The following BMPR1A variants were observed in gnomAD, a reference collection of about 807,000 sequenced individuals.
BMPR1A encodes the protein bone morphogenetic protein receptor type 1A, also known as bone morphogenetic protein receptor type-1A.
A neutral mutation model predicts 66.0 loss-of-function variants in BMPR1A; 7 were observed. The ratio of observed to expected loss-of-function variants is 0.11; its 90% CI spans 0.06 to 0.20. BMPR1A has a LOEUF of 0.20. Among genes scored for constraint, BMPR1A ranks in the 10% least tolerant of loss-of-function variants. BMPR1A has a pLI of 1.00. For synonymous variants in BMPR1A, 200 were observed against 229.7 expected, an observed-to-expected ratio of 0.87 and a Z score of 1.17; for missense variants, 408 against 669.1, an observed-to-expected ratio of 0.61 and a Z score of 4.31.
At chr10:86,758,167 A>G (rs1275643150) in intron 1 of BMPR1A, among the ~76,000 whole-genome samples, 1 of 152,202 alleles carries the variant, frequency 6.6e-6, no homozygotes. Context: ...GGCCGATTGA[A>G]ATGTAGAATG....
intron 1 of BMPR1A, among the ~76,000 whole-genome samples, chr10:86,764,470 A>G (rs934553774): frequency 1.4e-4 from 22 of 152,306 alleles, no homozygotes; most frequent in African/African-American, 4.3e-4. Context: ...AATGTGGGGG[A>G]AAAATTGCAT....
chr10:86,776,468 G>C lies in BMPR1A; in HGVS notation c.-268+19549G>C, dbSNP rs189358094. On this transcript the variant is annotated intron_variant, in intron 1 of 12. Transcript: ENST00000372037. ...AGGTTATGAACCTCTTGAATTTTGT[G>C]AGGCCATGGGCTTCTGAATAAGAAC... is the stretch of plus-strand genomic sequence containing the variant. Among the ~76,000 whole-genome samples, 294 of 152,292 alleles carry C rather than the reference G, an allele frequency of 1.9e-3. 2 individuals carry two copies. The highest frequency in any genetic ancestry group is 6.9e-3 in the African/African-American group (285 of 41,574).
rs74153413 is a variant in BMPR1A, at chr10:86,828,326, A to G, written c.-267-10539A>G. ...TTGCTGTTTTCCAGGGATGACATAA[A>G]GGAGAAGTGGGTAGAGGGTGATGCT... is the stretch of plus-strand genomic sequence containing the variant. On this transcript the variant is annotated intron_variant, in intron 1 of 12. Coordinates refer to ENST00000372037, the MANE Select transcript of BMPR1A (RefSeq NM_004329.3). Among the ~76,000 whole-genome samples, 517 of 152,348 alleles carry G rather than the reference A, an allele frequency of 3.4e-3. 4 individuals carry two copies. Among genetic ancestry groups the G allele is most frequent in the African/African-American group, 0.012 (495 of 41,594 alleles).
chr10:86,920,147 C>T (rs1325018309), intron 10 of BMPR1A, among the ~76,000 whole-genome samples: 4 of 152,088 alleles, frequency 2.6e-5, no homozygotes, highest in Non-Finnish European at 4.4e-5. Flanking sequence ...TTTTAATGAA[C>T]ATTGTTGTAT....
intron 3 of BMPR1A, among the ~76,000 whole-genome samples, chr10:86,881,334 A>G (rs574657408): frequency 1.3e-5 from 2 of 152,350 alleles, no homozygotes; most frequent in East Asian, 3.9e-4. Context: ...GAAATCAAAC[A>G]TTAATCTTGC....
At chr10:86,907,616 CAGTGGA>C (rs1283032706) in intron 7 of BMPR1A, among the ~76,000 whole-genome samples, 2 of 152,174 alleles carry the variant, frequency 1.3e-5, no homozygotes, top group Non-Finnish European at 2.9e-5. Context: ...GTGGTCCATA[CAGTGGA>C]ATATTACTCA....
chr10:86,831,292 A>G lies in BMPR1A; in HGVS notation c.-267-7573A>G, dbSNP rs149296614. On this transcript the variant is annotated intron_variant, in intron 1 of 12. Transcript: ENST00000372037. ...TTCTTTTTTAAATAATGGAGGATTA[A>G]CTTATTTTATAGTTTTTTTCTTCGA... 4.5e-3 allele frequency among the ~76,000 whole-genome samples: 687 copies of G among 152,228 alleles called. 4 individuals are homozygous for G. The highest frequency in any genetic ancestry group is 0.016 in the African/African-American group (651 of 41,516).
At chr10:86,798,043 T>G (rs1327930740) in intron 1 of BMPR1A, among the ~76,000 whole-genome samples, 1 of 152,218 alleles carries the variant, frequency 6.6e-6, no homozygotes, top group Non-Finnish European at 1.5e-5. Flanking sequence ...TTTATTATTT[T>G]GATATATTAA....
chr10:86,782,150 A>G (rs1309539640), intron 1 of BMPR1A, among the ~76,000 whole-genome samples: 2 of 152,144 alleles, frequency 1.3e-5, no homozygotes, highest in African/African-American at 2.4e-5. Context: ...GGTGTGAGCC[A>G]TCATGCCAGG....
intron 1 of BMPR1A, among the ~76,000 whole-genome samples, chr10:86,830,262 C>T (rs12218584): frequency 0.011 from 1,736 of 152,224 alleles, 32 homozygotes; most frequent in South Asian, 0.079. Context: ...GACACCTTGA[C>T]GGGAGGTTTG....
chr10:86,802,547 T>G (rs1272590788), intron 1 of BMPR1A, among the ~76,000 whole-genome samples: 1 of 152,172 alleles, frequency 6.6e-6, no homozygotes, highest in African/African-American at 2.4e-5. Flanking sequence ...TTTTTTCCCC[T>G]TTAGAACATT....
In BMPR1A at chr10:86,780,448, T is replaced by A. The variant is rs576106748; in HGVS notation, c.-268+23529T>A. On this transcript the variant is annotated intron_variant, in intron 1 of 12. Transcript: ENST00000372037. ...GGTTTTTATCATTTCAAATCTTTTT[T>A]TTTTGAGACGGAGTCTTGCTCTGTC... 3.7e-4 allele frequency among the ~76,000 whole-genome samples: 56 copies of A among 152,322 alleles called. No homozygotes were observed. In the East Asian group the frequency reaches 4.4e-3, roughly 12 times the overall value.
At chr10:86,881,138 G>T (rs1842980083) in intron 3 of BMPR1A, among the ~76,000 whole-genome samples, 2 of 152,146 alleles carry the variant, frequency 1.3e-5, no homozygotes, top group Non-Finnish European at 2.9e-5. Context: ...ATTCCTGGCT[G>T]AGGTGGGCGG....
intron 1 of BMPR1A, among the ~76,000 whole-genome samples, chr10:86,766,071 C>T (rs545679339): frequency 6.7e-6 from 1 of 150,272 alleles, no homozygotes; most frequent in South Asian, 2.1e-4. Context: ...ACTGCAGCAT[C>T]CAACTCCTGG....
At chr10:86,896,251 T>G (rs2133433920) in intron 5 of BMPR1A, among the ~76,000 whole-genome samples, 1 of 151,316 alleles carries the variant, frequency 6.6e-6, no homozygotes, top group South Asian at 2.1e-4. Context: ...GCAACTCCAC[T>G]CTAGTGTGCG....
At chr10:86,841,961 C>T (rs866666160) in intron 2 of BMPR1A, among the ~76,000 whole-genome samples, 23 of 152,142 alleles carry the variant, frequency 1.5e-4, no homozygotes, top group African/African-American at 5.1e-4. Flanking sequence ...TTTATCTGTC[C>T]TTTGTAACAT....
intron 3 of BMPR1A, among the ~76,000 whole-genome samples, chr10:86,877,333 G>A (rs1047521079): frequency 1.3e-5 from 2 of 151,180 alleles, no homozygotes; most frequent in African/African-American, 4.9e-5. Flanking sequence ...TCAGCCTCCC[G>A]AGTAGCTGGG....
intron 1 of BMPR1A, among the ~76,000 whole-genome samples, chr10:86,791,351 T>A (rs1394634142): frequency 6.6e-6 from 1 of 152,030 alleles, no homozygotes; most frequent in African/African-American, 2.4e-5. Flanking sequence ...TAGCTGGGAC[T>A]ACAGGCACGT....
intron 8 of BMPR1A, among the ~76,000 whole-genome samples, chr10:86,914,499 A>G (rs753472504): frequency 5.9e-5 from 9 of 152,170 alleles, no homozygotes; most frequent in Non-Finnish European, 1.2e-4. Context: ...TTTTGTGCAA[A>G]ATATATAAAG....
Sources: gnomAD v4.1 joint callset for allele counts (sites outside exome capture counted in the v4.1 genomes callset) on GRCh38, gnomAD v4.1.1 for gene constraint, MANE v1.5 for transcripts, NCBI Gene and HGNC (gene_info 2026-07-23, HGNC 2026-07-21) for gene names.